CELF4: variants seen among roughly 807,000 people sequenced by gnomAD.
CELF4 encodes the protein CUGBP Elav-like family member 4.
A neutral mutation model predicts 59.9 loss-of-function variants in CELF4; 18 were observed. The observed-to-expected ratio is 0.30, with a 90% confidence interval of 0.21 to 0.45. The LOEUF is 0.45. Among genes scored for constraint, CELF4 ranks in the 20% least tolerant of loss-of-function variants. CELF4 has a pLI of 1.00. For missense variants in CELF4, 456 were observed against 689.0 expected (o/e 0.66, Z 3.79); for synonymous variants, 261 against 267.1 (o/e 0.98, Z 0.22).
chr18:37,332,245 C>G (rs886608542), intron 2 of CELF4, among the ~76,000 whole-genome samples: 2 of 152,072 alleles, frequency 1.3e-5, no homozygotes, highest in African/African-American at 4.8e-5. Context: ...CACTCCAGTC[C>G]AAGCCTAGCC....
intron 1 of CELF4, among the ~76,000 whole-genome samples, chr18:37,496,700 G>A (rs998631948): frequency 6.6e-6 from 1 of 152,170 alleles, no homozygotes; most frequent in African/African-American, 2.4e-5. Context: ...GTCCTGGTAG[G>A]CCACAGTCCA....
chr18:37,561,260 C>T (rs1428721287), intron 1 of CELF4, among the ~76,000 whole-genome samples: 1 of 152,138 alleles, frequency 6.6e-6, no homozygotes, highest in African/African-American at 2.4e-5. Context: ...TACCCAGGCA[C>T]AGATCTGTTC....
At chr18:37,457,483 C>A (rs774788846) in intron 2 of CELF4, among the ~76,000 whole-genome samples, 2 of 152,152 alleles carry the variant, frequency 1.3e-5, no homozygotes. Flanking sequence ...TTCCACCAAC[C>A]CACTTCCCAG....
intron 6 of CELF4, chr18:37,273,651 G>A: frequency 1.0e-6 from 1 of 988,366 alleles, no homozygotes; most frequent in South Asian, 4.7e-5. Flanking sequence ...AGTGCGGACA[G>A]GGGAGGCTGC....
At chr18:37,474,562 C>T (rs1396164169) in intron 2 of CELF4, among the ~76,000 whole-genome samples, 1 of 152,240 alleles carries the variant, frequency 6.6e-6, no homozygotes, top group Non-Finnish European at 1.5e-5. Context: ...CCATGGTTTT[C>T]TGGTCTGAGC....
At chr18:37,307,657 G>A (rs897961219) in intron 3 of CELF4, among the ~76,000 whole-genome samples, 1 of 152,132 alleles carries the variant, frequency 6.6e-6, no homozygotes, top group African/African-American at 2.4e-5. Context: ...GAGCCTGAAG[G>A]TAGGGAGGAC....
intron 2 of CELF4, among the ~76,000 whole-genome samples, chr18:37,364,122 G>A (rs1395461853): frequency 6.6e-6 from 1 of 152,158 alleles, no homozygotes; most frequent in African/African-American, 2.4e-5. Context: ...TGTTTCCAGG[G>A]GATTTCCAAT....
chr18:37,273,291 A>G, intron 6 of CELF4, 128 bp from the exon 7 acceptor site: 2 of 1,448,420 alleles, frequency 1.4e-6, no homozygotes, highest in Non-Finnish European at 9.1e-7. Context: ...ACCACTCCAG[A>G]AAGCCCTGAT....
chr18:37,412,273 G>A (rs1395042245), intron 2 of CELF4, among the ~76,000 whole-genome samples: 1 of 152,206 alleles, frequency 6.6e-6, no homozygotes, highest in Non-Finnish European at 1.5e-5. Context: ...CAGAGTGTCT[G>A]GTGCTGTCTG....
chr18:37,376,311 T>C (rs2098968276), intron 2 of CELF4, among the ~76,000 whole-genome samples: 1 of 152,110 alleles, frequency 6.6e-6, no homozygotes, highest in African/African-American at 2.4e-5. Context: ...AGATCAAGCT[T>C]AGTCCTCCCT....
intron 2 of CELF4, among the ~76,000 whole-genome samples, chr18:37,396,158 T>C (rs1345950029): frequency 6.6e-6 from 1 of 152,244 alleles, no homozygotes; most frequent in African/African-American, 2.4e-5. Flanking sequence ...AAGAAGACTC[T>C]GACTTGTCAC....
chr18:37,293,143 TC>T (rs1031687952), intron 3 of CELF4, among the ~76,000 whole-genome samples: 1 of 152,228 alleles, frequency 6.6e-6, no homozygotes, highest in African/African-American at 2.4e-5. Flanking sequence ...CAGCCCAGGC[TC>T]CTTCGGGCAC....
intron 1 of CELF4, among the ~76,000 whole-genome samples, chr18:37,539,471 A>ACG (rs1557426566): frequency 1.1e-5 from 1 of 89,162 alleles, no homozygotes; most frequent in Non-Finnish European, 1.9e-5. Context: ...ACACACACAC[A>ACG]AACACACACA....
At chr18:37,523,003 AT>A (rs1166705698) in intron 1 of CELF4, among the ~76,000 whole-genome samples, 1 of 152,114 alleles carries the variant, frequency 6.6e-6, no homozygotes, top group Non-Finnish European at 1.5e-5. Context: ...GCCTCCTTGC[AT>A]TGTTCTGTGA....
chr18:37,307,760 C>T (rs2096488033), intron 3 of CELF4, among the ~76,000 whole-genome samples: 2 of 151,226 alleles, frequency 1.3e-5, no homozygotes. Flanking sequence ...ACCTGGCTGC[C>T]CTCAAGGAGG....
intron 8 of CELF4, among the ~76,000 whole-genome samples, chr18:37,267,755 G>A (rs556603946): frequency 1.3e-5 from 2 of 152,176 alleles, no homozygotes; most frequent in African/African-American, 4.8e-5. Context: ...GGGCACCTGG[G>A]CTGGGCACGG....
chr18:37,470,975 C>T (rs1307371677), intron 2 of CELF4, among the ~76,000 whole-genome samples: 14 of 148,868 alleles, frequency 9.4e-5, no homozygotes, highest in Non-Finnish European at 1.8e-4. Flanking sequence ...GAAATCCCTA[C>T]GTGTGGTAGT....
At chr18:37,362,441 T>C (rs1210938814) in intron 2 of CELF4, among the ~76,000 whole-genome samples, 4 of 152,034 alleles carry the variant, frequency 2.6e-5, no homozygotes, top group South Asian at 2.1e-4. Flanking sequence ...GCTCCAGGCA[T>C]GGGGCTGGCC....
At chr18:37,456,300 G>T (rs1320673142) in intron 2 of CELF4, among the ~76,000 whole-genome samples, 2 of 152,126 alleles carry the variant, frequency 1.3e-5, no homozygotes, top group Non-Finnish European at 2.9e-5. Flanking sequence ...AAGGACTCTG[G>T]AAGTGGCCTC....
Sources: gnomAD v4.1 joint callset for allele counts (sites outside exome capture counted in the v4.1 genomes callset) on GRCh38, gnomAD v4.1.1 for gene constraint, MANE v1.5 for transcripts, NCBI Gene and HGNC (gene_info 2026-07-23, HGNC 2026-07-21) for gene names.